AGBL4: variants seen among roughly 807,000 people sequenced by gnomAD.
The protein encoded by AGBL4 is cytosolic carboxypeptidase 6.
Under a neutral mutation model 66.4 loss-of-function variants are expected in AGBL4, and 58 were observed. The ratio of observed to expected loss-of-function variants is 0.87; its 90% CI spans 0.71 to 1.09. AGBL4 has a LOEUF of 1.09. Ranked by LOEUF, AGBL4 falls within the 50% of genes least tolerant of loss-of-function variation. The pLI, the probability that AGBL4 is intolerant of heterozygous loss-of-function variation, is 0.00. For missense variants in AGBL4, 579 were observed against 631.0 expected (o/e 0.92, Z 0.88); for synonymous variants, 234 against 222.9 (o/e 1.05, Z -0.44).
intron 6 of AGBL4, among the ~76,000 whole-genome samples, chr1:48,797,816 G>A (rs1358139048): frequency 2.0e-5 from 3 of 152,252 alleles, no homozygotes; most frequent in Non-Finnish European, 2.9e-5. Context: ...CGAAGTGTTA[G>A]GATTACAGGC....
At chr1:49,064,152 T>C (rs1026675080) in intron 4 of AGBL4, among the ~76,000 whole-genome samples, 1 of 152,242 alleles carries the variant, frequency 6.6e-6, no homozygotes, top group Non-Finnish European at 1.5e-5. Context: ...TAGGCTACAG[T>C]TGGTAGCTGT....
intron 3 of AGBL4, among the ~76,000 whole-genome samples, chr1:49,446,007 A>C (rs1354592749): frequency 6.6e-6 from 1 of 152,034 alleles, no homozygotes; most frequent in Non-Finnish European, 1.5e-5. Context: ...GCCTGCCACC[A>C]TGCCTGACTA....
intron 2 of AGBL4, among the ~76,000 whole-genome samples, chr1:49,783,479 C>T (rs1644383095): frequency 6.6e-6 from 1 of 152,032 alleles, no homozygotes; most frequent in South Asian, 2.1e-4. Flanking sequence ...CCTCAACAAA[C>T]TAGGAATGTA....
At chr1:49,895,583 G>T (rs1649116468) in intron 1 of AGBL4, among the ~76,000 whole-genome samples, 1 of 151,960 alleles carries the variant, frequency 6.6e-6, no homozygotes, top group South Asian at 2.1e-4. Flanking sequence ...AGATAAAGTT[G>T]AAATGTAGAG....
chr1:48,672,172 C>T (rs995562792), intron 6 of AGBL4, among the ~76,000 whole-genome samples: 3 of 152,182 alleles, frequency 2.0e-5, no homozygotes, highest in Non-Finnish European at 4.4e-5. Context: ...GATTTTTCCA[C>T]AGTAAAGGCA....
chr1:49,889,721 C>T (rs921974155), intron 1 of AGBL4, among the ~76,000 whole-genome samples: 1 of 148,730 alleles, frequency 6.7e-6, no homozygotes, highest in Admixed American at 6.6e-5. Context: ...CGCACCACTG[C>T]ACTCCAGCCT....
At chr1:49,075,386 T>C (rs1644690172) in intron 4 of AGBL4, among the ~76,000 whole-genome samples, 1 of 152,194 alleles carries the variant, frequency 6.6e-6, no homozygotes, top group Non-Finnish European at 1.5e-5. Context: ...TGATTTATCT[T>C]ATGATTCTTA....
intron 1 of AGBL4, among the ~76,000 whole-genome samples, chr1:49,988,370 G>T (rs1659677808): frequency 6.6e-6 from 1 of 152,080 alleles, no homozygotes; most frequent in Admixed American, 6.6e-5. Context: ...GGATATAAGA[G>T]AACTCTAAGG....
intron 6 of AGBL4, among the ~76,000 whole-genome samples, chr1:48,666,228 C>T (rs2148460477): frequency 6.6e-6 from 1 of 152,220 alleles, no homozygotes; most frequent in East Asian, 1.9e-4. Flanking sequence ...GTGACTACCC[C>T]ACCCCCTCCT....
At chr1:48,856,600 G>A (rs966535980) in intron 6 of AGBL4, among the ~76,000 whole-genome samples, 10 of 152,070 alleles carry the variant, frequency 6.6e-5, no homozygotes, top group African/African-American at 2.4e-4. Context: ...AGTCTCAGAA[G>A]GGCTGAGTTC....
chr1:49,902,968 T>A (rs539874007), intron 1 of AGBL4, among the ~76,000 whole-genome samples: 27 of 152,024 alleles, frequency 1.8e-4, no homozygotes, highest in Non-Finnish European at 2.9e-5. Context: ...TGAAACAGAG[T>A]TACCATTCAA....
intron 2 of AGBL4, among the ~76,000 whole-genome samples, chr1:49,713,585 C>A (rs1054725101): frequency 4.6e-5 from 7 of 151,804 alleles, no homozygotes; most frequent in Non-Finnish European, 7.4e-5. Context: ...AGAAAAAATT[C>A]TTTGAATATT....
At chr1:49,643,892 A>G (rs1645833158) in intron 3 of AGBL4, among the ~76,000 whole-genome samples, 1 of 151,722 alleles carries the variant, frequency 6.6e-6, no homozygotes, top group African/African-American at 2.4e-5. Flanking sequence ...AAAACAATGA[A>G]GAGCACTGAA....
chr1:49,074,025 G>A (rs943210109), intron 4 of AGBL4, among the ~76,000 whole-genome samples: 2 of 152,194 alleles, frequency 1.3e-5, no homozygotes, highest in African/African-American at 2.4e-5. Context: ...CGGTGGCTGT[G>A]TTTACACTGT....
At chr1:48,561,943 T>G (rs1419641410) in intron 11 of AGBL4, among the ~76,000 whole-genome samples, 1 of 152,226 alleles carries the variant, frequency 6.6e-6, no homozygotes, top group African/African-American at 2.4e-5. Flanking sequence ...TCTTTATGCA[T>G]ATAATCTCTT....
At chr1:49,715,709 G>T (rs1381674423) in intron 2 of AGBL4, among the ~76,000 whole-genome samples, 1 of 152,152 alleles carries the variant, frequency 6.6e-6, no homozygotes, top group Non-Finnish European at 1.5e-5. Context: ...CTAATGACCA[G>T]TGATGATGAG....
At chr1:48,734,874 TTGAC>T (rs1486057169) in intron 6 of AGBL4, among the ~76,000 whole-genome samples, 4 of 152,226 alleles carry the variant, frequency 2.6e-5, no homozygotes, top group South Asian at 2.1e-4. Flanking sequence ...AACATATGTG[TTGAC>T]TGACTGAGTC....
intron 4 of AGBL4, among the ~76,000 whole-genome samples, chr1:49,107,140 T>C (rs894989672): frequency 2.0e-5 from 3 of 152,186 alleles, no homozygotes; most frequent in Non-Finnish European, 2.9e-5. Context: ...CAATTTATGA[T>C]GAATCGAACT....
intron 6 of AGBL4, among the ~76,000 whole-genome samples, chr1:48,818,426 G>A (rs1646237238): frequency 6.6e-6 from 1 of 152,050 alleles, no homozygotes. Flanking sequence ...GAGGTTTGGG[G>A]GAGAAAACAC....
Sources: gnomAD v4.1 joint callset for allele counts (sites outside exome capture counted in the v4.1 genomes callset) on GRCh38, gnomAD v4.1.1 for gene constraint, MANE v1.5 for transcripts, NCBI Gene and HGNC (gene_info 2026-07-23, HGNC 2026-07-21) for gene names.